The following DLC1 variants were observed in gnomAD, a reference collection of about 807,000 sequenced individuals.
The protein encoded by DLC1 is rho GTPase-activating protein 7.
In DLC1, 54 loss-of-function variants were observed where a neutral mutation model predicts 140.3. That is an observed-to-expected ratio of 0.38 (90% CI 0.31 to 0.48). DLC1 has a LOEUF of 0.48. Ranked by LOEUF, DLC1 falls within the 20% of genes least tolerant of loss-of-function variation. DLC1 has a pLI of 0.96. For missense variants in DLC1, 2,536 were observed against 1,907.0 expected (o/e 1.33, Z -6.14); for synonymous variants, 986 against 728.1 (o/e 1.35, Z -5.70).
At chr8:13,482,685 C>T (rs1053279321) in intron 2 of DLC1, among the ~76,000 whole-genome samples, 9 of 152,080 alleles carry the variant, frequency 5.9e-5, no homozygotes, top group East Asian at 3.9e-4. Context: ...TATAGCCTGA[C>T]GTGATTACGC....
chr8:13,314,769 C>A, intron 4 of DLC1, among the ~76,000 whole-genome samples: 1 of 152,184 alleles, frequency 6.6e-6, no homozygotes, highest in Admixed American at 6.5e-5. Context: ...ATACATAAAT[C>A]TCTTTATGAC....
rs751949018 is a variant in DLC1 at position 13,088,596 on chromosome 8, C to A, written c.4183G>T (p.Asp1395Tyr). The change falls in exon 16 of 18, where the codon GAC (aspartate) becomes TAC (tyrosine). Residue 1395 changes from aspartate to tyrosine, a missense_variant. Physicochemically the swap from Asp to Tyr is radical, Grantham distance 160. Transcript: ENST00000276297. ...TCGATCACTTTTGAATCCAACAGGT[C>A]TACATCCCAGAGGTGCTGTTCTTTA... ...LLKEQHLWDV[D>Y]LLDSKVIEIL... 6.2e-7 allele frequency: 1 copy of A among 1,614,148 alleles called. No homozygotes were observed.
chr8:13,217,907 T>C (rs1433061262), intron 5 of DLC1, among the ~76,000 whole-genome samples: 2 of 152,116 alleles, frequency 1.3e-5, no homozygotes, highest in Non-Finnish European at 2.9e-5. Flanking sequence ...ACTCTGATTT[T>C]CTTGGGTCAA....
intron 5 of DLC1, among the ~76,000 whole-genome samples, chr8:13,267,018 C>T (rs1830715470): frequency 1.3e-5 from 2 of 152,182 alleles, no homozygotes; most frequent in South Asian, 4.1e-4. Context: ...CAGCCACGAG[C>T]TACACATGAG....
intron 5 of DLC1, among the ~76,000 whole-genome samples, chr8:13,176,622 G>T (rs1825772724): frequency 6.6e-6 from 1 of 152,108 alleles, no homozygotes; most frequent in South Asian, 2.1e-4. Flanking sequence ...ATTAAAAAAA[G>T]GTAGTCGTGG....
intron 17 of DLC1, 177 bp downstream of exon 17, chr8:13,086,113 T>A (rs1374619560): frequency 7.5e-7 from 1 of 1,330,862 alleles, no homozygotes; most frequent in South Asian, 1.6e-5. Context: ...GGGAACCAAA[T>A]TACGAAGTGG....
chr8:13,595,133 T>C (rs201631032), intron 1 of DLC1, among the ~76,000 whole-genome samples: 1 of 152,106 alleles, frequency 6.6e-6, no homozygotes, highest in East Asian at 1.9e-4. Context: ...AATTATTGTT[T>C]TACTACAGTC....
At chr8:13,395,314 G>A (rs1836987234) in intron 3 of DLC1, among the ~76,000 whole-genome samples, 1 of 151,894 alleles carries the variant, frequency 6.6e-6, no homozygotes, top group Admixed American at 6.6e-5. Context: ...GTAGAGACGG[G>A]GTTTCACTAT....
intron 5 of DLC1, among the ~76,000 whole-genome samples, chr8:13,159,584 AC>A (rs1824525380): frequency 2.6e-5 from 4 of 151,926 alleles, no homozygotes; most frequent in African/African-American, 9.7e-5. Context: ...TCAATTATAA[AC>A]CCAGACTGGG....
intron 5 of DLC1, among the ~76,000 whole-genome samples, chr8:13,280,528 T>C (rs893667235): frequency 2.0e-5 from 3 of 152,160 alleles, no homozygotes; most frequent in African/African-American, 7.2e-5. Flanking sequence ...AAAATCATCC[T>C]GCTTTGGTAA....
chr8:13,378,644 C>A (rs1372428484), intron 4 of DLC1, among the ~76,000 whole-genome samples: 1 of 152,086 alleles, frequency 6.6e-6, no homozygotes, highest in Non-Finnish European at 1.5e-5. Context: ...TAAATTCAGA[C>A]ACCTTATTAC....
intron 5 of DLC1, among the ~76,000 whole-genome samples, chr8:13,129,689 T>A (rs139187249): frequency 2.0e-5 from 3 of 152,334 alleles, no homozygotes; most frequent in Non-Finnish European, 4.4e-5. Flanking sequence ...TGCTTTATAA[T>A]CTCAAGAACA....
chr8:13,328,203 C>T (rs764995676), intron 4 of DLC1, among the ~76,000 whole-genome samples: 6 of 152,070 alleles, frequency 3.9e-5, no homozygotes, highest in Non-Finnish European at 7.4e-5. Context: ...CAAAAGATCT[C>T]TGTGGCTCCT....
At chr8:13,509,165 T>G (rs1402281206) in intron 1 of DLC1, among the ~76,000 whole-genome samples, 1 of 152,368 alleles carries the variant, frequency 6.6e-6, no homozygotes, top group Admixed American at 6.5e-5. Context: ...GCGGTTTTGC[T>G]TTAAGTGGTC....
intron 5 of DLC1, among the ~76,000 whole-genome samples, chr8:13,234,708 A>T (rs1829203409): frequency 2.0e-5 from 3 of 151,984 alleles, no homozygotes; most frequent in Non-Finnish European, 4.4e-5. Context: ...TACATTTGTC[A>T]AATGAACACT....
intron 2 of DLC1, among the ~76,000 whole-genome samples, chr8:13,498,142 C>T (rs1801601981): frequency 6.6e-6 from 1 of 152,084 alleles, no homozygotes; most frequent in Admixed American, 6.6e-5. Flanking sequence ...TCAGTGCATA[C>T]CAGTGTCAAA....
intron 10 of DLC1, 122 bp downstream of exon 10, chr8:13,098,277 G>T: frequency 4.0e-6 from 5 of 1,245,556 alleles, no homozygotes; most frequent in Non-Finnish European, 5.6e-6. Context: ...ATTGCCATAG[G>T]ATGACAGATG....
chr8:13,393,449 T>C (rs1220505282), intron 4 of DLC1, 104 bp downstream of exon 4: 2 of 1,288,100 alleles, frequency 1.6e-6, no homozygotes, highest in Non-Finnish European at 2.1e-6. Flanking sequence ...TCACTATGGC[T>C]AAGATTCCAA....
chr8:13,108,918 T>C (rs1819816725), intron 7 of DLC1, among the ~76,000 whole-genome samples: 1 of 152,194 alleles, frequency 6.6e-6, no homozygotes, highest in Non-Finnish European at 1.5e-5. Flanking sequence ...AGTAATGATA[T>C]TACACTCCAC....
Sources: allele counts gnomAD v4.1 joint callset (sites outside exome capture counted in the v4.1 genomes callset), GRCh38; gene constraint gnomAD v4.1.1; transcripts MANE v1.5; gene names NCBI Gene and HGNC (gene_info 2026-07-23, HGNC 2026-07-21).